APBA2: variants seen among roughly 807,000 people sequenced by gnomAD.
APBA2 encodes amyloid beta precursor protein binding family A member 2.
In APBA2, 30 loss-of-function variants were observed where a neutral mutation model predicts 75.0. That is an observed-to-expected ratio of 0.40 (90% CI 0.30 to 0.54). The LOEUF (loss-of-function observed/expected upper bound fraction) is 0.54. Ranked by LOEUF, APBA2 falls within the 20% of genes least tolerant of loss-of-function variation. The pLI, the probability that APBA2 is intolerant of heterozygous loss-of-function variation, is 0.49. For synonymous variants in APBA2, 444 were observed against 409.6 expected, an observed-to-expected ratio of 1.08 and a Z score of -1.01; for missense variants, 801 against 1,016.1, an observed-to-expected ratio of 0.79 and a Z score of 2.88.
Position 29,054,979 on chromosome 15 carries a change from G to A in APBA2, c.951+144G>A. 1.3e-6 allele frequency: 1 copy of A among 790,666 alleles called. No individual in the cohort carries two copies. The highest frequency in any genetic ancestry group is 2.1e-6 in the Non-Finnish European group (1 of 485,678). 49.0% of individuals were successfully genotyped at this position (790,666 alleles called of 1,614,324 possible). A position where few individuals can be genotyped will look rare whatever the true frequency, so the allele number is the denominator to read the frequency against. Reference sequence around the variant, plus strand: ...CTAATGGTGGCTGAGCTCTTCATTGGTCCAGTTGGGAGACATGTTGCGTGG... The same window carrying A: ...CTAATGGTGGCTGAGCTCTTCATTGATCCAGTTGGGAGACATGTTGCGTGG... On this transcript the variant is annotated intron_variant, in intron 4 of 14. Transcript: ENST00000683413. The surrounding 1 kb of genome is among the most constrained non-coding windows in gnomAD (Gnocchi z 6.1).
intron 3 of APBA2, among the ~76,000 whole-genome samples, chr15:29,023,401 G>A (rs4779689): frequency 0.36 from 53,858 of 148,050 alleles, 15,933 homozygotes; most frequent in African/African-American, 0.79. Flanking sequence ...TTTTAAATCA[G>A]GAATGGGTTG....
rs959919223 is a variant in APBA2, at chr15:28,949,455, C to T, written c.-95+27706C>T. Among the ~76,000 whole-genome samples, 9 of 152,082 alleles carry T rather than the reference C, an allele frequency of 5.9e-5. No homozygotes were observed. The South Asian group carries it at 1.2e-3, about 21-fold the overall frequency. On this transcript the variant is annotated intron_variant, in intron 2 of 14. Transcript: ENST00000683413. ...GAGAGGTGCCTGCCCTCCTGGGAGC[C>T]GTGCCTATTCCATTGCTTCTGTTGT...
rs778403122 is a variant in APBA2, at chr15:29,008,396, C to T, written c.-41+12590C>T. On this transcript the variant is annotated intron_variant, in intron 3 of 14. Transcript: ENST00000683413. The stretch of plus-strand genomic sequence containing the variant: ...GGCTTCCAATGGTAAATTTATGTTA[C>T]GTGTATTTTACCACAATTTTTTTTT... Among the ~76,000 whole-genome samples, 11 of 152,212 alleles carry T rather than the reference C, an allele frequency of 7.2e-5. No individual in the cohort carries two copies. The East Asian group carries it at 1.2e-3, about 16-fold the overall frequency.
At chr15:29,000,028 A>G (rs2038760033) in intron 3 of APBA2, among the ~76,000 whole-genome samples, 1 of 152,160 alleles carries the variant, frequency 6.6e-6, no homozygotes, top group African/African-American at 2.4e-5. Flanking sequence ...GTTTTGTTCT[A>G]TGCAGGTCCT....
chr15:29,093,740 G>A (rs2043701594), intron 7 of APBA2, among the ~76,000 whole-genome samples: 1 of 152,184 alleles, frequency 6.6e-6, no homozygotes, highest in Non-Finnish European at 1.5e-5. Flanking sequence ...AGGGGATGCA[G>A]CCATCTGAGG....
At chr15:28,901,831 G>C (rs150074327) in intron 1 of APBA2, among the ~76,000 whole-genome samples, 177 of 151,300 alleles carry the variant, frequency 1.2e-3, no homozygotes, top group African/African-American at 4.2e-3. Context: ...TTGCAGTGCC[G>C]AGGGCATCAT....
intron 1 of APBA2, among the ~76,000 whole-genome samples, chr15:28,915,820 A>G (rs1433831331): frequency 6.7e-6 from 1 of 148,556 alleles, no homozygotes; most frequent in Non-Finnish European, 1.5e-5. Context: ...CACACACACC[A>G]CATACCACAC....
chr15:29,068,756 C>A (rs1228461318), intron 4 of APBA2, among the ~76,000 whole-genome samples: 1 of 152,184 alleles, frequency 6.6e-6, no homozygotes, highest in Non-Finnish European at 1.5e-5. Flanking sequence ...TACAAGCTGG[C>A]GGATGACCTC....
chr15:28,914,784 C>T (rs1391053683), intron 1 of APBA2, among the ~76,000 whole-genome samples: 3 of 151,970 alleles, frequency 2.0e-5, no homozygotes, highest in South Asian at 2.1e-4. Flanking sequence ...CTGGACTCTT[C>T]GTGCATTCAG....
At chr15:28,899,609 G>T (rs2032727409) in intron 1 of APBA2, among the ~76,000 whole-genome samples, 1 of 152,176 alleles carries the variant, frequency 6.6e-6, no homozygotes, top group Admixed American at 6.5e-5. Context: ...GCTCATCTGT[G>T]CATGTGAGCT....
chr15:29,042,212 G>A (rs2041082065), intron 3 of APBA2, among the ~76,000 whole-genome samples: 1 of 152,100 alleles, frequency 6.6e-6, no homozygotes, highest in Non-Finnish European at 1.5e-5. Flanking sequence ...ATTGGGTTAG[G>A]GCCTACGCAA....
At chr15:29,079,299 A>T (rs1490538802) in intron 6 of APBA2, among the ~76,000 whole-genome samples, 2 of 151,948 alleles carry the variant, frequency 1.3e-5, no homozygotes, top group African/African-American at 2.4e-5. Context: ...GGCCCATGAG[A>T]CTAGCTGTGT....
chr15:28,960,588 C>A (rs1214639006), intron 2 of APBA2, among the ~76,000 whole-genome samples: 1 of 152,064 alleles, frequency 6.6e-6, no homozygotes, highest in South Asian at 2.1e-4. Flanking sequence ...CAGATGGACT[C>A]TCACACCCTC....
intron 1 of APBA2, among the ~76,000 whole-genome samples, chr15:28,901,120 G>T (rs1430169845): frequency 2.6e-5 from 4 of 152,226 alleles, no homozygotes; most frequent in African/African-American, 9.6e-5. Flanking sequence ...CTGGTGTCAT[G>T]TGATGCGGTC....
At chr15:29,103,820 C>A (rs533307247) in intron 10 of APBA2, among the ~76,000 whole-genome samples, 86 of 152,314 alleles carry the variant, frequency 5.6e-4, no homozygotes, top group African/African-American at 2.1e-3. Context: ...GGGGGCCGCC[C>A]TCCGCTCTTC....
At chr15:28,975,436 G>T (rs568088994) in intron 2 of APBA2, among the ~76,000 whole-genome samples, 2 of 152,158 alleles carry the variant, frequency 1.3e-5, no homozygotes, top group Non-Finnish European at 2.9e-5. Context: ...ATGGTTTTGA[G>T]ACAACTGGAT....
At chr15:28,939,994 A>G (rs2035103214) in intron 2 of APBA2, among the ~76,000 whole-genome samples, 2 of 152,228 alleles carry the variant, frequency 1.3e-5, no homozygotes, top group Non-Finnish European at 2.9e-5. Context: ...ACAGCCCTAC[A>G]AAGTGGGAAG....
intron 2 of APBA2, among the ~76,000 whole-genome samples, chr15:28,957,988 G>C (rs2152732813): frequency 6.6e-6 from 1 of 152,346 alleles, no homozygotes; most frequent in Admixed American, 6.5e-5. Flanking sequence ...AGCCGAGACA[G>C]GCGGGGGAGC....
At chr15:28,901,679 C>T (rs2032862596) in intron 1 of APBA2, among the ~76,000 whole-genome samples, 1 of 152,110 alleles carries the variant, frequency 6.6e-6, no homozygotes, top group African/African-American at 2.4e-5. Flanking sequence ...GCCGTGGCCA[C>T]ACCCCTGACT....
Sources: gnomAD v4.1 joint callset for allele counts (sites outside exome capture counted in the v4.1 genomes callset) on GRCh38, gnomAD v4.1.1 for gene constraint, Gnocchi (gnomAD v3.1) non-coding constraint, MANE v1.5 for transcripts, NCBI Gene and HGNC (gene_info 2026-07-23, HGNC 2026-07-21) for gene names.